ATE1: variants seen among roughly 807,000 people sequenced by gnomAD.
ATE1 encodes arginyltransferase 1.
Under a neutral mutation model 70.5 loss-of-function variants are expected in ATE1, and 36 were observed. The ratio of observed to expected loss-of-function variants is 0.51; its 90% CI spans 0.39 to 0.67. The LOEUF is 0.67. ATE1 is among the 30% of genes least tolerant of loss of function. The probability of loss-of-function intolerance (pLI) is 0.00; values close to 1 mark genes in which losing one functional copy is unlikely to be tolerated. For synonymous variants in ATE1, 232 were observed against 219.3 expected, an observed-to-expected ratio of 1.06 and a Z score of -0.51; for missense variants, 593 against 629.5, an observed-to-expected ratio of 0.94 and a Z score of 0.62.
At chr10:121,767,772 T>A (rs745863665) in intron 11 of ATE1, among the ~76,000 whole-genome samples, 1 of 152,118 alleles carries the variant, frequency 6.6e-6, no homozygotes, top group African/African-American at 2.4e-5. Flanking sequence ...AAACGGGAAA[T>A]CTTGTGCACT....
chr10:121,900,012 A>G lies in ATE1; in HGVS notation c.814-18T>C. 6.2e-7 allele frequency: 1 copy of G among 1,611,040 alleles called. No individual in the cohort carries two copies. The highest frequency in any genetic ancestry group is 8.5e-7 in the Non-Finnish European group (1 of 1,178,458). Reference sequence around the variant, plus strand: ...ACCCTCACCTTCAGAAGCAGTTAAAAAAACAAGTTTACTAATTCATTCATT... The same window carrying G: ...ACCCTCACCTTCAGAAGCAGTTAAAGAAACAAGTTTACTAATTCATTCATT... On this transcript the variant is annotated intron_variant, in intron 6 of 11. Transcript: ENST00000224652.
At chr10:121,897,131 G>T (rs112339458) in intron 7 of ATE1, among the ~76,000 whole-genome samples, 12 of 152,176 alleles carry the variant, frequency 7.9e-5, no homozygotes, top group African/African-American at 2.9e-4. Flanking sequence ...AATTCTAAAG[G>T]CACTGGAATT....
intron 3 of ATE1, among the ~76,000 whole-genome samples, chr10:121,916,061 C>G (rs1951642629): frequency 6.7e-6 from 1 of 148,586 alleles, no homozygotes; most frequent in East Asian, 2.0e-4. Context: ...AAGGTGAAAC[C>G]CCGTCTCTAC....
chr10:121,787,011 A>G (rs1946243509), intron 11 of ATE1, among the ~76,000 whole-genome samples: 1 of 152,236 alleles, frequency 6.6e-6, no homozygotes, highest in South Asian at 2.1e-4. Flanking sequence ...GTACTTATTT[A>G]AGAACAAAAG....
chr10:121,895,896 G>A (rs1255246434), intron 7 of ATE1, among the ~76,000 whole-genome samples: 2 of 150,204 alleles, frequency 1.3e-5, no homozygotes, highest in African/African-American at 2.4e-5. Flanking sequence ...CTGCCTGGGC[G>A]ACAGAGCAAG....
At position 121,790,204 on chromosome 10, in the gene ATE1, G is replaced by T; in HGVS notation, c.1343C>A (p.Ser448Tyr). Residue 448 changes from serine to tyrosine, a missense_variant, in exon 11 of 12, where the codon TCC (serine) becomes TAC (tyrosine). By Grantham distance (144) the Ser-to-Tyr change is moderately radical (BLOSUM62 -2). Coordinates refer to ENST00000224652, the MANE Select transcript of ATE1 (RefSeq NM_001001976.3). The part of the protein sequence containing the change: ...IEQCLPSLEN[S>Y]KYCRFNQDPE... Reference sequence around the variant, plus strand: ...GTCCTGGTTGAAACGGCAGTACTTGGAGTTTTCAAGTGAAGGCAGGCATTG... The same window carrying T: ...GTCCTGGTTGAAACGGCAGTACTTGTAGTTTTCAAGTGAAGGCAGGCATTG... The T allele has an allele frequency of 1.2e-6, 2 of 1,614,066 alleles. No homozygotes were observed. Among genetic ancestry groups the T allele is most frequent in the Non-Finnish European group, 1.7e-6 (2 of 1,179,954 alleles).
chr10:121,865,164 A>G (rs1949619047), intron 8 of ATE1, among the ~76,000 whole-genome samples: 1 of 152,162 alleles, frequency 6.6e-6, no homozygotes, highest in Non-Finnish European at 1.5e-5. Context: ...AATTTTCTTC[A>G]TAAGAAAACT....
chr10:121,905,563 G>A (rs371463332), intron 5 of ATE1, among the ~76,000 whole-genome samples: 4 of 151,974 alleles, frequency 2.6e-5, no homozygotes, highest in Non-Finnish European at 5.9e-5. Context: ...GATTTCAGGC[G>A]GGGCTCAGTG....
rs188526962 is a variant in ATE1, at chr10:121,758,689, C to T, written c.1379-14831G>A. On this transcript the variant is annotated intron_variant, in intron 11 of 11. Coordinates refer to ENST00000224652, the MANE Select transcript of ATE1 (RefSeq NM_001001976.3). ...AAATTAAAGATTTGTGGCAACCCTG[C>T]ATTGAGAATAGGTGCCATTTTTCCA... is the stretch of plus-strand genomic sequence containing the variant. 5.0e-3 allele frequency among the ~76,000 whole-genome samples: 763 copies of T among 152,252 alleles called. 5 individuals carry two copies. The highest frequency in any genetic ancestry group is 8.4e-3 in the Non-Finnish European group (572 of 68,022).
At chr10:121,842,922 G>A (rs1948684093) in intron 8 of ATE1, among the ~76,000 whole-genome samples, 1 of 151,948 alleles carries the variant, frequency 6.6e-6, no homozygotes, top group African/African-American at 2.4e-5. Flanking sequence ...GAAAGAACAA[G>A]GTAAGGATAT....
intron 6 of ATE1, among the ~76,000 whole-genome samples, chr10:121,900,439 A>G (rs1295688674): frequency 6.6e-6 from 1 of 152,246 alleles, no homozygotes; most frequent in Non-Finnish European, 1.5e-5. Flanking sequence ...TTTGAGTTAA[A>G]AAGACCTCAT....
intron 10 of ATE1, among the ~76,000 whole-genome samples, chr10:121,797,030 T>A (rs1946684859): frequency 6.6e-6 from 1 of 152,248 alleles, no homozygotes; most frequent in South Asian, 2.1e-4. Context: ...AGCCAGAGGT[T>A]AAAAGTTATC....
intron 5 of ATE1, among the ~76,000 whole-genome samples, chr10:121,905,306 T>C (rs1004341378): frequency 1.3e-5 from 2 of 152,214 alleles, no homozygotes; most frequent in African/African-American, 4.8e-5. Flanking sequence ...TATATAAACA[T>C]TCCATAAATA....
intron 11 of ATE1, among the ~76,000 whole-genome samples, chr10:121,763,802 C>G (rs896701647): frequency 6.6e-6 from 1 of 152,058 alleles, no homozygotes; most frequent in Non-Finnish European, 1.5e-5. Flanking sequence ...TCACTTGAGG[C>G]CAGGAGTTTG....
chr10:121,785,635 A>G (rs1946173591), intron 11 of ATE1, among the ~76,000 whole-genome samples: 1 of 152,200 alleles, frequency 6.6e-6, no homozygotes, highest in South Asian at 2.1e-4. Context: ...CAGCAAAAAC[A>G]CAATATAGAT....
chr10:121,814,030 G>A (rs766183942), intron 10 of ATE1, among the ~76,000 whole-genome samples: 3 of 152,176 alleles, frequency 2.0e-5, no homozygotes, highest in Admixed American at 6.5e-5. Flanking sequence ...TGGGCATGGC[G>A]GACATCTGAG....
At chr10:121,762,695 G>A (rs1195913959) in intron 11 of ATE1, among the ~76,000 whole-genome samples, 2 of 152,206 alleles carry the variant, frequency 1.3e-5, no homozygotes, top group Non-Finnish European at 2.9e-5. Flanking sequence ...GTTCCACTTT[G>A]TGCCCTGAGC....
At chr10:121,884,599 A>C (rs1246774882) in intron 7 of ATE1, among the ~76,000 whole-genome samples, 1 of 152,140 alleles carries the variant, frequency 6.6e-6, no homozygotes, top group African/African-American at 2.4e-5. Context: ...CAAACAATGA[A>C]AAAGAGGGAG....
intron 7 of ATE1, among the ~76,000 whole-genome samples, chr10:121,892,156 G>C (rs1950600991): frequency 6.6e-6 from 1 of 152,126 alleles, no homozygotes; most frequent in Non-Finnish European, 1.5e-5. Context: ...TTTCTCAGCA[G>C]TCAGCCCCAC....
Sources: allele counts gnomAD v4.1 joint callset (sites outside exome capture counted in the v4.1 genomes callset), GRCh38; gene constraint gnomAD v4.1.1; transcripts MANE v1.5; gene names NCBI Gene and HGNC (gene_info 2026-07-23, HGNC 2026-07-21).